Variants in KLRC2 observed in about 807,000 individuals in gnomAD.
KLRC2 encodes killer cell lectin like receptor C2.
A neutral mutation model predicts 25.5 loss-of-function variants in KLRC2; 10 were observed. The observed-to-expected ratio is 0.39, with a 90% CI of 0.24 to 0.67. The LOEUF (loss-of-function observed/expected upper bound fraction) is 0.67, where lower values mean the gene tolerates loss of function less well. Among genes scored for constraint, KLRC2 ranks in the 30% least tolerant of loss-of-function variants. The pLI, the probability that KLRC2 is intolerant of heterozygous loss-of-function variation, is 0.45. For synonymous variants in KLRC2, 48 were observed against 93.3 expected (o/e 0.51, Z 2.80); for missense variants, 170 against 272.8 (o/e 0.62, Z 2.65).
chr12:10,432,069 A>G, intron 5 of KLRC2, 37 bp downstream of exon 5: 10 of 1,346,106 alleles, frequency 7.4e-6, no homozygotes, highest in Non-Finnish European at 1.0e-5. Flanking sequence ...TATCCTTTAT[A>G]TATATTTTTT....
intron 4 of KLRC2, among the ~76,000 whole-genome samples, chr12:10,433,575 A>C (rs1312097981): frequency 1.4e-5 from 2 of 142,500 alleles, no homozygotes; most frequent in African/African-American, 5.4e-5. Context: ...CAAAGCACTT[A>C]TAGAAGCATG....
At position 10,431,681 on chromosome 12, in the gene KLRC2, G is replaced by T. The variant is rs1261493819; in HGVS notation, c.584+425C>A. Among the ~76,000 whole-genome samples the T allele has an allele frequency of 5.6e-5, 8 of 142,302 alleles. 1 individual carries two copies. The highest frequency in any genetic ancestry group is 2.1e-4 in the African/African-American group (8 of 37,250). The allele number at this position is 142,302 out of a possible 152,430, so 93.4% of individuals were successfully genotyped here. ...GCAGTTCCCTGATAGTCCAGCTCGA[G>T]GTTGTCCAACTCGCTGCCCATGGGC... On this transcript the variant is annotated intron_variant, in intron 5 of 5. Coordinates refer to ENST00000381902, the MANE Select transcript of KLRC2 (RefSeq NM_002260.4).
At chr12:10,435,717 A>G in intron 1 of KLRC2, 83 bp downstream of exon 1, 1 of 1,402,064 alleles carries the variant, frequency 7.1e-7, no homozygotes, top group Non-Finnish European at 9.7e-7. Flanking sequence ...CAAGTGCAAA[A>G]TATTCCCTAA....
At chr12:10,433,623 A>G (rs1352840379) in intron 4 of KLRC2, among the ~76,000 whole-genome samples, 168 bp downstream of exon 4, 3 of 142,706 alleles carry the variant, frequency 2.1e-5, no homozygotes, top group African/African-American at 8.0e-5. Context: ...ATAAATGTAC[A>G]TTAGCAGTAT....
Position 10,431,082 on chromosome 12 carries a change from G to T in KLRC2, c.*35C>A, listed in dbSNP as rs536220759. ...ATTTCTATTTTAAGAAATATAAAAT[G>T]TATCTGATGCACTGCAAACGCAAAT... On this transcript the variant is annotated 3_prime_UTR_variant, in exon 6 of 6. Transcript: ENST00000381902. 4.5e-6 allele frequency: 6 copies of T among 1,321,460 alleles called. 1 individual carries two copies. The highest frequency in any genetic ancestry group is 6.3e-6 in the Non-Finnish European group (6 of 945,396). The allele number at this position is 1,321,460 out of a possible 1,614,324, so 81.9% of individuals were successfully genotyped here. A position where few individuals can be genotyped will look rare whatever the true frequency, so the allele number is the denominator to read the frequency against.
At position 10,433,283 on chromosome 12, in the gene KLRC2, T is replaced by C. The variant is rs559768765; in HGVS notation, c.483+508A>G. On this transcript the variant is annotated intron_variant, in intron 4 of 5. Coordinates refer to ENST00000381902, the MANE Select transcript of KLRC2 (RefSeq NM_002260.4). ...ATGGAGGAATTGCACAAATATCAGA[T>C]AGGATTGAAAAAGACATGAAATTCA... is the stretch of plus-strand genomic sequence containing the variant. Among the ~76,000 whole-genome samples the C allele has an allele frequency of 2.1e-5, 3 of 142,028 alleles. 1 individual carries two copies. The highest frequency in any genetic ancestry group is 2.2e-4 in the South Asian group (1 of 4,568). The allele number at this position is 142,028 out of a possible 152,430, so 93.2% of individuals were successfully genotyped here.
At chr12:10,434,805 C>T (rs1430084045) in intron 2 of KLRC2, among the ~76,000 whole-genome samples, 2 of 151,882 alleles carry the variant, frequency 1.3e-5, no homozygotes, top group African/African-American at 4.8e-5. Context: ...CTATAGCATG[C>T]CTTTGAATTA....
intron 5 of KLRC2, 40 bp from the exon 6 acceptor site, chr12:10,431,268 C>G: frequency 6.6e-7 from 1 of 1,511,848 alleles, no homozygotes; most frequent in Non-Finnish European, 9.1e-7. Context: ...ACATTTTAAG[C>G]AAATGATTCA....
In KLRC2 at chr12:10,435,760, T is replaced by C; in HGVS notation, c.187+40A>G. ...TCACCCTTCTGCATTCAACTGCACA[T>C]CCTAGAACAATAATATTGAAGATAT... On this transcript the variant is annotated intron_variant, in intron 1 of 5. Coordinates refer to ENST00000381902, the MANE Select transcript of KLRC2 (RefSeq NM_002260.4). 2 of 1,529,326 alleles carry C rather than the reference T, an allele frequency of 1.3e-6. 1 individual carries two copies. Among genetic ancestry groups the C allele is most frequent in the Non-Finnish European group, 1.8e-6 (2 of 1,119,600 alleles). The allele number at this position is 1,529,326 out of a possible 1,614,324, so 94.7% of individuals were successfully genotyped here.
At chr12:10,434,231 A>C in intron 3 of KLRC2, 1 of 598,592 alleles carries the variant, frequency 1.7e-6, no homozygotes, top group Non-Finnish European at 3.0e-6. Context: ...AGAATAGTAA[A>C]ATTATTTATT....
In KLRC2 at chr12:10,433,832, T is replaced by C; in HGVS notation, c.442A>G (p.Lys148Glu). The change falls in exon 4 of 6, where the codon AAG (lysine) becomes GAG (glutamate). Residue 148 changes from lysine to glutamate, a missense_variant. Physicochemically the swap from Lys to Glu is moderately conservative, Grantham distance 56. Transcript: ENST00000381902. ...WEESLLACTS[K>E]NSSLLSIDNE... ...TCTATAGAAAGCAGACTGGAGTTCT[T>C]CGAAGTACAGGCCAGCAAACTCTCT... 1 of 1,550,536 alleles carries C rather than the reference T, an allele frequency of 6.4e-7. No homozygotes were observed. The highest frequency in any genetic ancestry group is 8.8e-7 in the Non-Finnish European group (1 of 1,136,220).
chr12:10,434,847 TA>T (rs1863853513), intron 2 of KLRC2: 1 of 336,480 alleles, frequency 3.0e-6, no homozygotes, highest in Non-Finnish European at 5.7e-6. Flanking sequence ...TGTGTGTATG[TA>T]TATACATATA....
At position 10,433,238 on chromosome 12, in the gene KLRC2, C is replaced by T. The variant is rs745492603; in HGVS notation, c.483+553G>A. On this transcript the variant is annotated intron_variant, in intron 4 of 5. Transcript: ENST00000381902. The stretch of plus-strand genomic sequence containing the variant: ...TAGTACAGCAGTGAACAGTAACATA[C>T]TACTGATAACTGCAATAATATGGAG... 2.8e-5 allele frequency among the ~76,000 whole-genome samples: 4 copies of T among 142,060 alleles called. 1 individual carries two copies. The highest frequency in any genetic ancestry group is 1.4e-4 in the Admixed American group (2 of 14,528). The allele number at this position is 142,060 out of a possible 152,430, so 93.2% of individuals were successfully genotyped here.
chr12:10,432,704 T>A (rs1863828915), intron 4 of KLRC2, among the ~76,000 whole-genome samples: 1 of 127,852 alleles, frequency 7.8e-6, no homozygotes, highest in Non-Finnish European at 1.7e-5. Flanking sequence ...TGGTGTAGAC[T>A]CGTCTCTCTC....
rs11053796 is a variant in KLRC2 at position 10,432,148 on chromosome 12, T to C, written c.542A>G (p.His181Arg). 30 of 1,531,894 alleles carry C rather than the reference T, an allele frequency of 2.0e-5. 3 individuals carry two copies. The Admixed American group carries it at 2.1e-4, about 11-fold the overall frequency. 94.9% of individuals were successfully genotyped at this position (1,531,894 alleles called of 1,614,324 possible). ...SWIGVFRNSS[H>R]HPWVTINGLA... ...ACCATTTATTGTCACCCATGGATGA[T>C]GACTGCTGTTACGAAACACACCAAT... The change falls in exon 5 of 6, where the codon CAT becomes CGT. Residue 181 changes from histidine (H) to arginine (R), a missense_variant. His to Arg is a conservative substitution (Grantham distance 29). This residue lies in a region of KLRC2 where 129 missense variants were observed against 150.2 expected (regional missense o/e 0.86). Transcript: ENST00000381902.
chr12:10,431,663 C>G (rs1279514273), intron 5 of KLRC2, among the ~76,000 whole-genome samples: 1 of 142,284 alleles, frequency 7.0e-6, no homozygotes, highest in African/African-American at 2.7e-5. Flanking sequence ...ACTGCAGTTC[C>G]CTGATAGTCC....
intron 5 of KLRC2, among the ~76,000 whole-genome samples, chr12:10,431,740 C>G (rs545598160): frequency 7.3e-6 from 1 of 137,846 alleles, no homozygotes; most frequent in African/African-American, 2.8e-5. Context: ...GAATGCGGCC[C>G]AACACAAATA....
rs34724793 is a variant in KLRC2, at chr12:10,431,144, C to A, written c.669G>T (p.Met223Ile). Reference protein sequence around the residue: ...RLKSAQCGSSMIYHCKHKL With the variant: ...RLKSAQCGSSIIYHCKHKL Reference sequence around the variant, plus strand: ...AAAGCTTATGCTTACAATGATATATCATTGAAGATCCACACTGGGCTGATT... The same window carrying A: ...AAAGCTTATGCTTACAATGATATATAATTGAAGATCCACACTGGGCTGATT... Residue 223 changes from methionine to isoleucine, a missense_variant, in exon 6 of 6, where the codon ATG (methionine) becomes ATT (isoleucine). Transcript: ENST00000381902. 7 of 1,539,104 alleles carry A rather than the reference C, an allele frequency of 4.5e-6. No individual in the cohort carries two copies. Among genetic ancestry groups the A allele is most frequent in the Non-Finnish European group, 6.2e-6 (7 of 1,126,352 alleles).
Position 10,431,849 on chromosome 12 carries a change from G to A in KLRC2, c.584+257C>T, listed in dbSNP as rs61917666. Among the ~76,000 whole-genome samples, 9 of 137,306 alleles carry A rather than the reference G, an allele frequency of 6.6e-5. 3 individuals carry two copies. Among genetic ancestry groups the A allele is most frequent in the African/African-American group, 2.3e-4 (8 of 35,374 alleles). The allele number at this position is 137,306 out of a possible 152,430, so 90.1% of individuals were successfully genotyped here. A position where few individuals can be genotyped will look rare whatever the true frequency, so the allele number is the denominator to read the frequency against. On this transcript the variant is annotated intron_variant, in intron 5 of 5. Coordinates refer to ENST00000381902, the MANE Select transcript of KLRC2 (RefSeq NM_002260.4). ...TTCTATGTGTGGCCCAAGACTATTC[G>A]TCTTCTAACGTGGCCCACAGAAGCC...
Sources: allele counts gnomAD v4.1 joint callset (sites outside exome capture counted in the v4.1 genomes callset), GRCh38; gene constraint gnomAD v4.1.1; regional missense constraint gnomAD v4.1.1; transcripts MANE v1.5; gene names NCBI Gene and HGNC (gene_info 2026-07-23, HGNC 2026-07-21).